The following RMP24 variants were observed in gnomAD, a reference collection of about 807,000 sequenced individuals.
RMP24 encodes ribonuclease MRP subunit p24.
the RMP24 span, chr18:35,978,823 G>C: frequency 6.4e-7 from 1 of 1,567,818 alleles, no homozygotes. Context: ...GTGTGGTTTT[G>C]TTTCTTTTCA....
At chr18:35,976,311 G>A in the RMP24 span, among the ~76,000 whole-genome samples, 631 of 151,922 alleles carry the variant, frequency 4.2e-3, 2 homozygotes, top group Non-Finnish European at 5.4e-3. Context: ...CACCACGCCC[G>A]GCTGATTTAT....
chr18:35,974,555 A>T, the RMP24 span, among the ~76,000 whole-genome samples: 4 of 152,226 alleles, frequency 2.6e-5, no homozygotes, highest in African/African-American at 9.6e-5. Context: ...TTTTGTGGTA[A>T]ATGCATTGGT....
At chr18:35,972,716 AGCG>A in the RMP24 span, 2 of 1,602,616 alleles carry the variant, frequency 1.2e-6, no homozygotes, top group Non-Finnish European at 1.7e-6. Context: ...AGCCAGCGGC[AGCG>A]GCGGCGGCGA....
the RMP24 span, among the ~76,000 whole-genome samples, chr18:35,974,587 C>T: frequency 6.6e-6 from 1 of 152,098 alleles, no homozygotes; most frequent in Admixed American, 6.5e-5. Flanking sequence ...AACATAACAG[C>T]CTTTTAAAAC....
chr18:35,979,139 A>G, the RMP24 span: 4 of 874,818 alleles, frequency 4.6e-6, no homozygotes, highest in African/African-American at 1.7e-5. Context: ...TATGGGGAAA[A>G]TACCTCATTA....
chr18:35,976,703 C>T, the RMP24 span, among the ~76,000 whole-genome samples: 2 of 152,086 alleles, frequency 1.3e-5, no homozygotes, highest in Non-Finnish European at 2.9e-5. Flanking sequence ...GATACTGTGC[C>T]ATGTTGTTTT....
At chr18:35,972,936 T>G in the RMP24 span, 1 of 1,614,062 alleles carries the variant, frequency 6.2e-7, no homozygotes, top group African/African-American at 1.3e-5. Context: ...TCTTGTGCTT[T>G]GGGCTCTTGT....
At chr18:35,972,746 C>G in the RMP24 span, 3 of 1,612,760 alleles carry the variant, frequency 1.9e-6, no homozygotes, top group African/African-American at 4.0e-5. Context: ...AGAAGCACTA[C>G]CTTGAGGCTG....
At chr18:35,974,076 C>G in the RMP24 span, among the ~76,000 whole-genome samples, 1 of 152,222 alleles carries the variant, frequency 6.6e-6, no homozygotes, top group African/African-American at 2.4e-5. Context: ...TTTTCTGTTT[C>G]AGGGCCTTTG....
At chr18:35,974,747 TTATC>T in the RMP24 span, 4 of 745,798 alleles carry the variant, frequency 5.4e-6, no homozygotes, top group African/African-American at 7.1e-5. Context: ...TACTGCCAAT[TTATC>T]TTTTTGTAAA....
the RMP24 span, among the ~76,000 whole-genome samples, chr18:35,976,834 A>G: frequency 1.3e-5 from 2 of 152,224 alleles, no homozygotes; most frequent in Non-Finnish European, 2.9e-5. Context: ...CCCACCAAAC[A>G]TGGTTTTATA....
At chr18:35,977,615 GA>G in the RMP24 span, 1 of 1,600,034 alleles carries the variant, frequency 6.2e-7, no homozygotes, top group Non-Finnish European at 8.5e-7. Flanking sequence ...CTTAATCCAT[GA>G]AGTTTTTGAA....
chr18:35,972,925 C>T, the RMP24 span: 7 of 1,614,072 alleles, frequency 4.3e-6, no homozygotes, highest in South Asian at 7.7e-5. Context: ...GAACGCCTGT[C>T]TCTTGTGCTT....
chr18:35,976,598 G>A, the RMP24 span, among the ~76,000 whole-genome samples: 2 of 152,276 alleles, frequency 1.3e-5, no homozygotes, highest in East Asian at 3.9e-4. Context: ...GTGGAGAGGT[G>A]TGAGAGTATA....
At chr18:35,978,252 C>G in the RMP24 span, among the ~76,000 whole-genome samples, 1 of 152,222 alleles carries the variant, frequency 6.6e-6, no homozygotes, top group Non-Finnish European at 1.5e-5. Context: ...TCTAGCATGG[C>G]TTTCCAGCCC....
chr18:35,977,036 T>G, the RMP24 span, among the ~76,000 whole-genome samples: 1 of 152,164 alleles, frequency 6.6e-6, no homozygotes, highest in South Asian at 2.1e-4. Flanking sequence ...AAGACCAGGC[T>G]GGCCAACATG....
the RMP24 span, chr18:35,973,024 C>T: frequency 2.2e-6 from 3 of 1,349,424 alleles, no homozygotes; most frequent in East Asian, 7.1e-5. Flanking sequence ...ACAACAACAA[C>T]AAAGCCCGCA....
At chr18:35,977,329 T>A in the RMP24 span, 2 of 1,334,816 alleles carry the variant, frequency 1.5e-6, no homozygotes, top group East Asian at 2.4e-5. Flanking sequence ...CCCTGACATT[T>A]AAGAATTCAA....
chr18:35,978,606 G>A, the RMP24 span, among the ~76,000 whole-genome samples: 293 of 151,864 alleles, frequency 1.9e-3, 2 homozygotes, highest in Admixed American at 8.0e-3. Flanking sequence ...GCGAGACTCC[G>A]TCTCCAAAAA....
Sources: allele counts gnomAD v4.1 joint callset (sites outside exome capture counted in the v4.1 genomes callset), GRCh38; gene constraint gnomAD v4.1.1; transcripts MANE v1.5; gene names NCBI Gene and HGNC (gene_info 2026-07-23, HGNC 2026-07-21).